The following ALDOA variants were observed in gnomAD, a reference collection of about 807,000 sequenced individuals.
ALDOA encodes fructose-bisphosphate aldolase A.
A neutral mutation model predicts 43.9 loss-of-function variants in ALDOA; 26 were observed. The observed-to-expected ratio is 0.59, with a 90% CI of 0.43 to 0.82. The LOEUF (loss-of-function observed/expected upper bound fraction) is 0.82, where lower values mean the gene tolerates loss of function less well. ALDOA is among the 40% of genes least tolerant of loss of function. The pLI is 0.00. For synonymous variants in ALDOA, 258 were observed against 222.6 expected, an observed-to-expected ratio of 1.16 and a Z score of -1.42; for missense variants, 498 against 549.5, an observed-to-expected ratio of 0.91 and a Z score of 0.94.
At position 30,066,939 on chromosome 16, in the gene ALDOA, C is replaced by A. The variant is rs971402340; in HGVS notation, c.42C>A (p.Thr14=). 3 of 1,550,854 alleles carry A rather than the reference C, an allele frequency of 1.9e-6. No individual in the cohort carries two copies. The highest frequency in any genetic ancestry group is 2.6e-6 in the Non-Finnish European group (3 of 1,147,206). The change falls in exon 2 of 10, where the codon ACC becomes ACA. Residue 14 remains threonine, a synonymous_variant. Coordinates refer to ENST00000642816, the MANE Select transcript of ALDOA (RefSeq NM_001243177.4). ...RKPEGSSFNM[T]HLSMAMAFSF... is the part of the protein sequence containing the mutation. ...CAGAAGGGTCCAGCTTCAACATGAC[C>A]CACCTGTCCATGGCTATGGCCTTTT...
At position 30,067,327 on chromosome 16, in the gene ALDOA, G is replaced by A. The variant is rs1238620975; in HGVS notation, c.235G>A (p.Ala79Thr). The A allele has an allele frequency of 6.2e-7, 1 of 1,613,608 alleles. No homozygotes were observed. Among genetic ancestry groups the A allele is most frequent in the Middle Eastern group, 1.8e-4 (1 of 5,624 alleles). The change falls in exon 3 of 10, where the codon GCA becomes ACA. Residue 79 changes from alanine to threonine, a missense_variant. By Grantham distance (58) the Ala-to-Thr change is moderately conservative (BLOSUM62 0). Transcript: ENST00000642816. ...ELSDIAHRIV[A>T]PGKGILAADE... is the part of the protein sequence containing the mutation. ...GTCTGACATCGCTCACCGCATCGTG[G>A]CACCTGGCAAGGGCATCCTGGCTGC...
In ALDOA at chr16:30,066,923, C is replaced by G. The variant is rs1225075139; in HGVS notation, c.26C>G (p.Ser9Cys). The G allele has an allele frequency of 6.4e-7, 1 of 1,550,662 alleles. No homozygotes were observed. The highest frequency in any genetic ancestry group is 1.4e-5 in the African/African-American group (1 of 73,058). ...ATGGCAAGGCGCAAGCCAGAAGGGT[C>G]CAGCTTCAACATGACCCACCTGTCC... MARRKPEG[S>C]SFNMTHLSMA... Residue 9 changes from serine (S) to cysteine (C), a missense_variant, in exon 2 of 10, where the codon TCC becomes TGC. By Grantham distance (112) the Ser-to-Cys change is moderately radical. Transcript: ENST00000642816.
chr16:30,067,176 C>CCAGGAGAGGGGCCCT (rs2072139968), intron 2 of ALDOA, 58 bp from the exon 3 acceptor site: 8 of 1,608,638 alleles, frequency 5.0e-6, no homozygotes, highest in Non-Finnish European at 6.8e-6. Context: ...CCCTGGTCAT[C>CCAGGAGAGGGGCCCT]GGGAGATGAT....
rs56857043 is a variant in ALDOA, at chr16:30,068,497, GGAGGCT to G, written c.487-143_487-138del. 7,390 of 862,876 alleles carry G rather than the reference GGAGGCT, an allele frequency of 8.6e-3. 328 individuals carry two copies. In the African/African-American group the frequency reaches 0.1, roughly 12 times the overall value. 53.5% of individuals were successfully genotyped at this position (862,876 alleles called of 1,614,324 possible). A position where few individuals can be genotyped will look rare whatever the true frequency, so the allele number is the denominator to read the frequency against. On this transcript the variant is annotated intron_variant, in intron 4 of 9. Coordinates refer to ENST00000642816, the MANE Select transcript of ALDOA (RefSeq NM_001243177.4). ...AAAGAGGGGCACGCCCAGCTACCTA[GGAGGCT>G]GAGGCGGGAGGATCACTTGAGTCCA...
chr16:30,069,410 C>T, intron 7 of ALDOA, 21 bp downstream of exon 7: 1 of 1,614,056 alleles, frequency 6.2e-7, no homozygotes, highest in Non-Finnish European at 8.5e-7. Context: ...ACCTGCCTGA[C>T]CAGTGCAAGG....
intron 7 of ALDOA, 48 bp from the exon 8 acceptor site, chr16:30,069,450 CT>C (rs780248284): frequency 1.2e-6 from 2 of 1,613,996 alleles, no homozygotes; most frequent in South Asian, 2.2e-5. Flanking sequence ...GGGCTAACCC[CT>C]ATCCTCTCCT....
intron 7 of ALDOA, 54 bp downstream of exon 7, chr16:30,069,443 C>T: frequency 6.2e-7 from 1 of 1,613,926 alleles, no homozygotes; most frequent in Non-Finnish European, 8.5e-7. Context: ...GACCCTGGGG[C>T]TAACCCCTAT....
chr16:30,069,573 G>C lies in ALDOA; in HGVS notation c.861G>C (p.Met287Ile), dbSNP rs550915077. Residue 287 changes from methionine to isoleucine, a missense_variant, in exon 8 of 10, where the codon ATG becomes ATC. By Grantham distance (10) the Met-to-Ile change is conservative. Coordinates refer to ENST00000642816, the MANE Select transcript of ALDOA (RefSeq NM_001243177.4). ...AAGGCACCTTGCTGAAGCCCAACAT[G>C]GTCACCCCAGGCCATGCTTGCACTC... ...YLEGTLLKPNMVTPGHACTQK... is the reference protein window; with the variant it reads ...YLEGTLLKPNIVTPGHACTQK... 2 of 1,614,098 alleles carry C rather than the reference G, an allele frequency of 1.2e-6. No homozygotes were observed. The highest frequency in any genetic ancestry group is 2.2e-5 in the South Asian group (2 of 91,080).
chr16:30,067,926 C>G, intron 4 of ALDOA: 1 of 535,480 alleles, frequency 1.9e-6, no homozygotes, highest in Non-Finnish European at 3.4e-6. Context: ...GTCTGACACC[C>G]AATTCACTCA....
chr16:30,065,433 C>A (rs541763337), upstream of ALDOA, among the ~76,000 whole-genome samples: 29 of 152,342 alleles, frequency 1.9e-4, no homozygotes, highest in African/African-American at 7.0e-4. Context: ...CATCCGCGTC[C>A]TCCACTTCCC....
At position 30,069,677 on chromosome 16, in the gene ALDOA, A is replaced by T. The variant is rs769938234; in HGVS notation, c.961+4A>T. 6.2e-7 allele frequency: 1 copy of T among 1,613,412 alleles called. No homozygotes were observed. The highest frequency in any genetic ancestry group is 1.1e-5 in the South Asian group (1 of 91,076). On this transcript the variant is annotated splice_donor_region_variant and intron_variant, in intron 8 of 9. Transcript: ENST00000642816. ...ACAGTGCCCCCCGCTGTCACTGGTG[A>T]GGCCCACACTCATCTTGATCTCTAT... is the stretch of plus-strand genomic sequence containing the variant.
rs751804439 is a variant in ALDOA at position 30,069,817 on chromosome 16, C to T, written c.962-13C>T. ...CTGACCACAGCCCCTCTCGCCTCAC[C>T]CCTGCTCTACAGGGATCACCTTCCT... is the stretch of plus-strand genomic sequence containing the variant. On this transcript the variant is annotated splice_polypyrimidine_tract_variant and intron_variant, in intron 8 of 9. Coordinates refer to ENST00000642816, the MANE Select transcript of ALDOA (RefSeq NM_001243177.4). The T allele has an allele frequency of 6.2e-7, 1 of 1,614,096 alleles. No homozygotes were observed. The highest frequency in any genetic ancestry group is 1.1e-5 in the South Asian group (1 of 91,080).
At chr16:30,069,236 G>T in intron 6 of ALDOA, 70 bp from the exon 7 acceptor site, 1 of 1,536,060 alleles carries the variant, frequency 6.5e-7, no homozygotes, top group Non-Finnish European at 9.0e-7. Flanking sequence ...CTTGACCAGT[G>T]GCTGTGGAGA....
At chr16:30,066,812 C>G (rs2072122802) in intron 1 of ALDOA, 73 bp from the exon 2 acceptor site, 1 of 1,468,416 alleles carries the variant, frequency 6.8e-7, no homozygotes, top group Non-Finnish European at 9.2e-7. Context: ...CCCTTTCCCA[C>G]GAGGGTGTTG....
Position 30,068,838 on chromosome 16 carries a change from C to T in ALDOA, c.562C>T (p.Arg188Cys), listed in dbSNP as rs11553113. Residue 188 changes from arginine to cysteine, a missense_variant, in exon 6 of 10, where the codon CGC becomes TGC. Transcript: ENST00000642816. ...TTQGLDGLSERCAQYKKDGAD... is the reference protein window; with the variant it reads ...TTQGLDGLSECCAQYKKDGAD... ...CTTAGGGTTGGATGGGCTGTCTGAG[C>T]GCTGTGCCCAGTACAAGAAGGACGG... 1.2e-5 allele frequency: 19 copies of T among 1,614,076 alleles called. No homozygotes were observed. The highest frequency in any genetic ancestry group is 2.7e-5 in the African/African-American group (2 of 74,918).
chr16:30,068,494 C>T, intron 4 of ALDOA, 152 bp from the exon 5 acceptor site: 1 of 847,072 alleles, frequency 1.2e-6, no homozygotes. Flanking sequence ...GCCCAGCTAC[C>T]TAGGAGGCTG....
rs754601084 is a variant in ALDOA, at chr16:30,069,509, C to T, written c.797C>T (p.Ala266Val). 25 of 1,614,028 alleles carry T rather than the reference C, an allele frequency of 1.5e-5. No homozygotes were observed. The East Asian group carries it at 4.7e-4, about 30-fold the overall frequency. Residue 266 changes from alanine (A) to valine (V), a missense_variant, in exon 8 of 10, where the codon GCT becomes GTT. Physicochemically the swap from Ala to Val is moderately conservative, Grantham distance 64 (BLOSUM62 0). Coordinates refer to ENST00000642816, the MANE Select transcript of ALDOA (RefSeq NM_001243177.4). Reference sequence around the variant, plus strand: ...CCTGCTCTGCTCCAGGTGCTGGCTGCTGTCTACAAGGCTCTGAGTGACCAC... The same window carrying T: ...CCTGCTCTGCTCCAGGTGCTGGCTGTTGTCTACAAGGCTCTGAGTGACCAC... ...CQYVTEKVLA[A>V]VYKALSDHHI...
chr16:30,066,839 C>G, intron 1 of ALDOA, 46 bp from the exon 2 acceptor site: 1 of 1,525,716 alleles, frequency 6.6e-7, no homozygotes. Context: ...CTGCTTGATT[C>G]ACGATCTTTA....
At chr16:30,065,374 G>A (rs373254754), upstream of ALDOA, among the ~76,000 whole-genome samples, 1 of 152,260 alleles carries the variant, frequency 6.6e-6, no homozygotes, top group Admixed American at 6.5e-5. Context: ...CGGGCCGCGC[G>A]CGCTGGGCCT....
Sources: gnomAD v4.1 joint callset for allele counts (sites outside exome capture counted in the v4.1 genomes callset) on GRCh38, gnomAD v4.1.1 for gene constraint, MANE v1.5 for transcripts, NCBI Gene and HGNC (gene_info 2026-07-23, HGNC 2026-07-21) for gene names.